The following DOCK4 variants were observed in gnomAD, a reference collection of about 807,000 sequenced individuals.
DOCK4 encodes dedicator of cytokinesis protein 4.
A neutral mutation model predicts 268.1 loss-of-function variants in DOCK4; 97 were observed. That is an observed-to-expected ratio of 0.36 (90% confidence interval 0.31 to 0.43). The LOEUF (loss-of-function observed/expected upper bound fraction) is 0.43, where lower values mean the gene tolerates loss of function less well. Ranked by LOEUF, DOCK4 falls within the 20% of genes least tolerant of loss-of-function variation. The pLI, the probability that DOCK4 is intolerant of heterozygous loss-of-function variation, is 1.00. For missense variants in DOCK4, 2,145 were observed against 2,455.7 expected (o/e 0.87, Z 2.67); for synonymous variants, 954 against 887.2 (o/e 1.08, Z -1.34).
intron 35 of DOCK4, among the ~76,000 whole-genome samples, chr7:111,782,575 T>C (rs1291506958): frequency 1.3e-5 from 2 of 152,098 alleles, no homozygotes; most frequent in Non-Finnish European, 2.9e-5. Flanking sequence ...GAGGGTGAAG[T>C]AGTGCAACCG....
At chr7:111,891,926 G>T (rs1360530067) in intron 16 of DOCK4, among the ~76,000 whole-genome samples, 1 of 111,488 alleles carries the variant, frequency 9.0e-6, no homozygotes, top group Admixed American at 7.8e-5. Flanking sequence ...GATAACTCTT[G>T]GTCAGTCAGG....
In DOCK4 at chr7:111,782,895, C is replaced by T. The variant is rs749281151; in HGVS notation, c.3554G>A (p.Gly1185Asp). The T allele has an allele frequency of 1.2e-6, 2 of 1,613,310 alleles. No homozygotes were observed. The highest frequency in any genetic ancestry group is 1.7e-6 in the Non-Finnish European group (2 of 1,179,672). The change falls in exon 35 of 53, where the codon GGC (glycine) becomes GAC (aspartate). Residue 1185 changes from glycine to aspartate, a missense_variant. By Grantham distance (94) the Gly-to-Asp change is moderately conservative. Coordinates refer to ENST00000428084, the MANE Select transcript of DOCK4 (RefSeq NM_001363540.2). ...RDCMKMGEVD[G>D]KKIGCTVSLL... ...GCTAACTGTGCAGCCAATCTTTTTG[C>T]CATCTACCTCTCCCATTTTCATGCA...
chr7:112,010,072 C>T (rs144705791), intron 1 of DOCK4, among the ~76,000 whole-genome samples: 3 of 152,318 alleles, frequency 2.0e-5, no homozygotes, highest in African/African-American at 7.2e-5. Context: ...TGGCCTTGGC[C>T]TCCCAAAGTG....
chr7:112,156,571 C>G (rs1236750127), intron 1 of DOCK4, among the ~76,000 whole-genome samples: 1 of 152,186 alleles, frequency 6.6e-6, no homozygotes. Context: ...TTAAATGCTA[C>G]TTTCTATGAT....
rs1413327966 is a variant in DOCK4 at position 111,790,538 on chromosome 7, C to T, written c.3234G>A (p.Gln1078=). ...GAATCATGACATTCCGAAGATCTGG[C>T]TGGGGTATCAAGGTCACTTCTAGGA... The part of the protein sequence containing the change: ...GPFLEVTLIP[Q]PDLRNVMIPI... Residue 1078 remains glutamine, a synonymous_variant, in exon 31 of 53, where the codon CAG becomes CAA. Transcript: ENST00000428084. 1 of 1,613,882 alleles carries T rather than the reference C, an allele frequency of 6.2e-7. No individual in the cohort carries two copies. The highest frequency in any genetic ancestry group is 1.7e-5 in the Admixed American group (1 of 60,018).
intron 1 of DOCK4, among the ~76,000 whole-genome samples, chr7:112,095,342 T>C (rs1475397874): frequency 6.6e-6 from 1 of 152,162 alleles, no homozygotes; most frequent in Admixed American, 6.6e-5. Flanking sequence ...GGGATTTTAA[T>C]TGCTATAAGA....
intron 16 of DOCK4, among the ~76,000 whole-genome samples, chr7:111,880,021 G>A (rs1401532892): frequency 6.6e-6 from 1 of 152,090 alleles, no homozygotes; most frequent in Admixed American, 6.6e-5. Context: ...TTCTTTGAAG[G>A]GATAATAACA....
At chr7:111,878,192 T>C (rs931105318) in intron 16 of DOCK4, among the ~76,000 whole-genome samples, 1 of 152,192 alleles carries the variant, frequency 6.6e-6, no homozygotes, top group Non-Finnish European at 1.5e-5. Flanking sequence ...AAGGGATTGT[T>C]CTAGATTAAA....
intron 8 of DOCK4, among the ~76,000 whole-genome samples, chr7:111,948,996 T>C (rs1285657506): frequency 1.3e-5 from 2 of 152,216 alleles, no homozygotes; most frequent in Non-Finnish European, 1.5e-5. Flanking sequence ...AACTCAGCTT[T>C]ACTTAGTCGA....
intron 12 of DOCK4, among the ~76,000 whole-genome samples, chr7:111,917,447 C>T (rs554144351): frequency 6.6e-6 from 1 of 152,072 alleles, no homozygotes; most frequent in African/African-American, 2.4e-5. Context: ...GGTGCGGTGG[C>T]TCACACTTGT....
chr7:112,013,307 T>C (rs772255379), intron 1 of DOCK4, among the ~76,000 whole-genome samples: 14 of 152,232 alleles, frequency 9.2e-5, no homozygotes, highest in Non-Finnish European at 1.5e-4. Flanking sequence ...GTCTAAATTC[T>C]TACAATTACT....
rs1585789493 is a variant in DOCK4, at chr7:111,727,178, G to A, written c.*1096C>T. The stretch of plus-strand genomic sequence containing the variant: ...TAAGATGCTATGTTGCAATATTCAA[G>A]CTAGAGAAGTCTACAGCAATCCTCC... On this transcript the variant is annotated 3_prime_UTR_variant, in exon 53 of 53. Coordinates refer to ENST00000428084, the MANE Select transcript of DOCK4 (RefSeq NM_001363540.2). 2 of 152,684 alleles carry A rather than the reference G, an allele frequency of 1.3e-5. No homozygotes were observed. The highest frequency in any genetic ancestry group is 4.8e-5 in the African/African-American group (2 of 41,552). 9.5% of individuals were successfully genotyped at this position (152,684 alleles called of 1,614,324 possible).
intron 23 of DOCK4, among the ~76,000 whole-genome samples, chr7:111,852,992 C>T (rs1804704541): frequency 6.6e-6 from 1 of 152,186 alleles, no homozygotes; most frequent in African/African-American, 2.4e-5. Flanking sequence ...TATTCCACAT[C>T]TCAGATAAAG....
chr7:111,904,917 T>C (rs1326857643), intron 13 of DOCK4, among the ~76,000 whole-genome samples: 1 of 152,226 alleles, frequency 6.6e-6, no homozygotes, highest in African/African-American at 2.4e-5. Context: ...CTCATACGTA[T>C]GCTTTAATTT....
At chr7:112,014,538 C>T (rs1801641718) in intron 1 of DOCK4, among the ~76,000 whole-genome samples, 1 of 152,146 alleles carries the variant, frequency 6.6e-6, no homozygotes, top group African/African-American at 2.4e-5. Context: ...CCATGACTCA[C>T]ATGTGCTGAG....
At chr7:111,979,827 G>C (rs565361475) in intron 7 of DOCK4, among the ~76,000 whole-genome samples, 1 of 152,152 alleles carries the variant, frequency 6.6e-6, no homozygotes, top group Non-Finnish European at 1.5e-5. Flanking sequence ...CTCCTTTACC[G>C]ATGCAATGAA....
At chr7:112,180,067 T>C (rs559919000) in intron 1 of DOCK4, among the ~76,000 whole-genome samples, 4 of 151,232 alleles carry the variant, frequency 2.6e-5, no homozygotes, top group Admixed American at 1.3e-4. Flanking sequence ...AATTCCAAAG[T>C]AAAAACTAAA....
intron 30 of DOCK4, among the ~76,000 whole-genome samples, chr7:111,795,777 G>C (rs939287275): frequency 3.9e-5 from 6 of 152,188 alleles, no homozygotes; most frequent in African/African-American, 1.4e-4. Context: ...ATGGTGATAA[G>C]GAAGAGATGG....
intron 8 of DOCK4, among the ~76,000 whole-genome samples, chr7:111,974,492 A>ATGTG (rs59409689): frequency 0.082 from 6,928 of 84,250 alleles, 488 homozygotes; most frequent in Admixed American, 0.13. Flanking sequence ...TTGAAGAGGG[A>ATGTG]TGTGTGTGTG....
Sources: gnomAD v4.1 joint callset for allele counts (sites outside exome capture counted in the v4.1 genomes callset) on GRCh38, gnomAD v4.1.1 for gene constraint, MANE v1.5 for transcripts, NCBI Gene and HGNC (gene_info 2026-07-23, HGNC 2026-07-21) for gene names.